Variants in COL3A1 observed in about 807,000 individuals in gnomAD.
COL3A1 encodes collagen type III alpha 1 chain.
Under a neutral mutation model 200.9 loss-of-function variants are expected in COL3A1, and 46 were observed. That is an observed-to-expected ratio of 0.23 (90% CI 0.18 to 0.29). The LOEUF (loss-of-function observed/expected upper bound fraction) is 0.29, where lower values mean the gene tolerates loss of function less well. Among genes scored for constraint, COL3A1 ranks in the 10% least tolerant of loss-of-function variants. The pLI is 1.00. For synonymous variants in COL3A1, 650 were observed against 628.0 expected, an observed-to-expected ratio of 1.03 and a Z score of -0.52; for missense variants, 1,367 against 1,917.6, an observed-to-expected ratio of 0.71 and a Z score of 5.36.
At position 188,981,392 on chromosome 2, in the gene COL3A1, T is replaced by C. The variant is rs150612580; in HGVS notation, c.80-3368T>C. Among the ~76,000 whole-genome samples the C allele has an allele frequency of 2.6e-4, 39 of 151,516 alleles. No individual in the cohort carries two copies. In the East Asian group the frequency reaches 6.6e-3, roughly 26 times the overall value. ...TTTCTTTCAGAATTGTACTTCGTAG[T>C]AAGGAACAGAAACACCAAATGACAT... On this transcript the variant is annotated intron_variant, in intron 1 of 50. Coordinates refer to ENST00000304636, the MANE Select transcript of COL3A1 (RefSeq NM_000090.4).
intron 36 of COL3A1, 27 bp downstream of exon 36, chr2:189,003,089 A>G (rs1234374400): frequency 2.0e-6 from 3 of 1,464,990 alleles, no homozygotes; most frequent in Non-Finnish European, 2.8e-6. Context: ...TTCTCTGTCT[A>G]TCTATCTATC....
At position 188,994,619 on chromosome 2, in the gene COL3A1, G is replaced by C. The variant is rs111708979; in HGVS notation, c.1347+25G>C. The C allele has an allele frequency of 5.6e-6, 9 of 1,613,914 alleles. No individual in the cohort carries two copies. The highest frequency in any genetic ancestry group is 4.0e-5 in the African/African-American group (3 of 74,982). On this transcript the variant is annotated intron_variant, in intron 19 of 50. Coordinates refer to ENST00000304636, the MANE Select transcript of COL3A1 (RefSeq NM_000090.4). This position sits in a 1 kb window ranked among gnomAD's most constrained non-coding sequence, Gnocchi z 4.5. The stretch of plus-strand genomic sequence containing the variant: ...CGTAAGTTTTACTGCAACAGATCTG[G>C]TTATTTCTTGAAAAAATGCAACATA...
chr2:189,008,244 C>T, intron 47 of COL3A1, 102 bp downstream of exon 47: 2 of 949,990 alleles, frequency 2.1e-6, no homozygotes, highest in Non-Finnish European at 3.3e-6. Context: ...AGACGCAATG[C>T]ATCCACTCAA....
rs772404883 is a variant in COL3A1 at position 189,006,387 on chromosome 2, C to G, written c.3136C>G (p.Pro1046Ala). ...ENGSPGAPGA[P>A]GHPGPPGPVG... ...TGGCTCTCCTGGTGCCCCTGGCGCT[C>G]CTGGTCATCCAGGCCCACCTGGTCC... The change falls in exon 43 of 51, where the codon CCT becomes GCT. Residue 1046 changes from proline (P) to alanine (A), a missense_variant. This residue lies in a region of COL3A1 where 846 missense variants were observed against 1,147.9 expected (regional missense o/e 0.74). Coordinates refer to ENST00000304636, the MANE Select transcript of COL3A1 (RefSeq NM_000090.4). The G allele has an allele frequency of 1.9e-6, 3 of 1,614,156 alleles. No individual in the cohort carries two copies. Among genetic ancestry groups the G allele is most frequent in the African/African-American group, 1.3e-5 (1 of 75,036 alleles).
At chr2:188,975,094 C>T (rs1687779584) in intron 1 of COL3A1, among the ~76,000 whole-genome samples, 1 of 152,138 alleles carries the variant, frequency 6.6e-6, no homozygotes, top group Non-Finnish European at 1.5e-5. Flanking sequence ...TACAAGATAC[C>T]TATAAACATT....
intron 16 of COL3A1, among the ~76,000 whole-genome samples, chr2:188,993,815 G>A (rs1688238397): frequency 6.6e-6 from 1 of 152,182 alleles, no homozygotes; most frequent in East Asian, 1.9e-4. Flanking sequence ...TTCTATTTAT[G>A]TATCATTTAA....
intron 5 of COL3A1, among the ~76,000 whole-genome samples, chr2:188,987,522 T>C (rs1274032111): frequency 1.3e-5 from 2 of 152,276 alleles, no homozygotes; most frequent in Middle Eastern, 3.4e-3. Context: ...TTTTCTAGTT[T>C]AATCTGTATT....
chr2:189,003,399 C>T lies in COL3A1; in HGVS notation c.2554-12C>T, dbSNP rs1688514017. On this transcript the variant is annotated splice_polypyrimidine_tract_variant and intron_variant, in intron 36 of 50. Transcript: ENST00000304636. The stretch of plus-strand genomic sequence containing the variant: ...GTGCTATTCTTACATAATTTCCTTC[C>T]ATTTCATATAGGGTCCTCCTGGTCC... 1.9e-6 allele frequency: 3 copies of T among 1,613,096 alleles called. No individual in the cohort carries two copies. The highest frequency in any genetic ancestry group is 8.5e-7 in the Non-Finnish European group (1 of 1,179,238).
Position 188,997,238 on chromosome 2 carries a change from T to A in COL3A1, c.1815+20T>A. 1 of 1,613,992 alleles carries A rather than the reference T, an allele frequency of 6.2e-7. No homozygotes were observed. The highest frequency in any genetic ancestry group is 8.5e-7 in the Non-Finnish European group (1 of 1,179,972). ...CCTCAGGTACGTAGCTTTCCTCAAT[T>A]TATTTCTAGCCTTCTAATAGATGCG... is the stretch of plus-strand genomic sequence containing the variant. On this transcript the variant is annotated intron_variant, in intron 25 of 50. Coordinates refer to ENST00000304636, the MANE Select transcript of COL3A1 (RefSeq NM_000090.4).
At position 188,990,993 on chromosome 2, in the gene COL3A1, A is replaced by T. The variant is rs200148262; in HGVS notation, c.799-11A>T. 3.1e-5 allele frequency: 50 copies of T among 1,612,598 alleles called. No individual in the cohort carries two copies. The African/African-American group carries it at 6.4e-4, about 21-fold the overall frequency. Reference sequence around the variant, plus strand: ...ATTTTAATAATTTTGCTGGTTTTATACATTTCCTAGGGCTTCGATGGACGA... The same window carrying T: ...ATTTTAATAATTTTGCTGGTTTTATTCATTTCCTAGGGCTTCGATGGACGA... On this transcript the variant is annotated splice_polypyrimidine_tract_variant and intron_variant, in intron 10 of 50. Coordinates refer to ENST00000304636, the MANE Select transcript of COL3A1 (RefSeq NM_000090.4).
rs1688032354 is a variant in COL3A1 at position 188,984,891 on chromosome 2, G to A, written c.211G>A (p.Glu71Lys). Residue 71 changes from glutamate to lysine, a missense_variant, in exon 2 of 51, where the codon GAA becomes AAA. This residue lies in a region of COL3A1 where 462 missense variants were observed against 681.4 expected (regional missense o/e 0.68). Transcript: ENST00000304636. ...LCDDIICDDQ[E>K]LDCPNPEIPF... ...CGATGACATAATATGTGACGATCAA[G>A]AATTAGACTGCCCCAACCCAGAAAT... 3 of 1,613,118 alleles carry A rather than the reference G, an allele frequency of 1.9e-6. No individual in the cohort carries two copies. The highest frequency in any genetic ancestry group is 1.1e-5 in the South Asian group (1 of 91,066).
At chr2:188,985,845 C>T (rs1178046985) in intron 4 of COL3A1, 67 bp downstream of exon 4, 15 of 1,030,924 alleles carry the variant, frequency 1.5e-5, no homozygotes, top group East Asian at 4.8e-5. Flanking sequence ...TTTCTTTACT[C>T]GATATTACGT....
chr2:188,995,859 G>C (rs1166502432), intron 22 of COL3A1, 69 bp downstream of exon 22: 3 of 1,311,126 alleles, frequency 2.3e-6, no homozygotes, highest in Non-Finnish European at 3.2e-6. Flanking sequence ...AATGAAGACA[G>C]ATCAAAAGCA....
intron 40 of COL3A1, among the ~76,000 whole-genome samples, 171 bp downstream of exon 40, chr2:189,004,535 A>G (rs1688546009): frequency 6.6e-6 from 1 of 152,202 alleles, no homozygotes; most frequent in East Asian, 1.9e-4. Context: ...ATGGCTCCAG[A>G]ACACAAAACA....
chr2:189,004,567 T>C (rs1460337311), intron 40 of COL3A1, among the ~76,000 whole-genome samples: 3 of 152,204 alleles, frequency 2.0e-5, no homozygotes, highest in Non-Finnish European at 4.4e-5. Context: ...AGACAAACCT[T>C]GAATATAAAC....
chr2:189,004,012 T>C lies in COL3A1; in HGVS notation c.2692T>C (p.Ser898Pro). ...CCCAGGACCCCCAGGTCCCAGCGGTTCTCCAGGCAAGGATGGGCCCCCAGG... is the reference window on the plus strand; with the variant it reads ...CCCAGGACCCCCAGGTCCCAGCGGTCCTCCAGGCAAGGATGGGCCCCCAGG... ...GNPGPPGPSG[S>P]PGKDGPPGPA... Residue 898 changes from serine to proline, a missense_variant, in exon 39 of 51, where the codon TCT (serine) becomes CCT (proline). Ser to Pro is a moderately conservative substitution (Grantham distance 74). Coordinates refer to ENST00000304636, the MANE Select transcript of COL3A1 (RefSeq NM_000090.4). The C allele has an allele frequency of 6.2e-7, 1 of 1,612,818 alleles. No homozygotes were observed.
chr2:188,994,145 G>A lies in COL3A1; in HGVS notation c.1194+63G>A. On this transcript the variant is annotated intron_variant, in intron 17 of 50. Transcript: ENST00000304636. The surrounding 1 kb of genome is among the most constrained non-coding windows in gnomAD (Gnocchi z 4.5). Reference sequence around the variant, plus strand: ...ACATTACTGGCTTCTTTTGCATTTTGCATGACAATAGATTTGTGATATTTA... The same window carrying A: ...ACATTACTGGCTTCTTTTGCATTTTACATGACAATAGATTTGTGATATTTA... 1 of 1,610,842 alleles carries A rather than the reference G, an allele frequency of 6.2e-7. No individual in the cohort carries two copies. Among genetic ancestry groups the A allele is most frequent in the Non-Finnish European group, 8.5e-7 (1 of 1,177,082 alleles).
intron 37 of COL3A1, 47 bp downstream of exon 37, chr2:189,003,511 T>C: frequency 6.4e-7 from 1 of 1,565,098 alleles, no homozygotes; most frequent in Non-Finnish European, 8.8e-7. Context: ...TTAATTGATA[T>C]CAACCTGTAT....
At chr2:188,992,674 G>A (rs908720819) in intron 14 of COL3A1, among the ~76,000 whole-genome samples, 7 of 152,106 alleles carry the variant, frequency 4.6e-5, no homozygotes, top group Non-Finnish European at 8.8e-5. Flanking sequence ...AGAATTCATG[G>A]CAAAGTAGGG....
Sources: allele counts gnomAD v4.1 joint callset (sites outside exome capture counted in the v4.1 genomes callset), GRCh38; gene constraint gnomAD v4.1.1; regional missense constraint gnomAD v4.1.1; non-coding constraint Gnocchi (gnomAD v3.1); transcripts MANE v1.5; gene names NCBI Gene and HGNC (gene_info 2026-07-23, HGNC 2026-07-21).